The following LRMDA variants were observed in gnomAD, a reference collection of about 807,000 sequenced individuals.
LRMDA encodes the protein leucine-rich melanocyte differentiation-associated protein.
Under a neutral mutation model 29.8 loss-of-function variants are expected in LRMDA, and 18 were observed. The ratio of observed to expected loss-of-function variants is 0.60; its 90% CI spans 0.42 to 0.90. LRMDA has a LOEUF of 0.90. Among genes scored for constraint, LRMDA ranks in the 40% least tolerant of loss-of-function variants. The pLI is 0.00. For synonymous variants in LRMDA, 125 were observed against 109.4 expected (o/e 1.14, Z -0.89); for missense variants, 273 against 273.9 (o/e 1.00, Z 0.02).
rs183211948 is a variant in LRMDA at position 76,476,157 on chromosome 10, A to G, written c.602-81052A>G. Among the ~76,000 whole-genome samples, 3 of 152,314 alleles carry G rather than the reference A, an allele frequency of 2.0e-5. No individual in the cohort carries two copies. The East Asian group carries it at 5.8e-4, about 29-fold the overall frequency. ...ACAAAACTGATAGACCGCTAGCAAG[A>G]CTAATAAAGAATAAAAGAGAGAAGA... On this transcript the variant is annotated intron_variant, in intron 6 of 6. Transcript: ENST00000611255.
At chr10:76,151,411 C>T (rs949161063) in intron 5 of LRMDA, among the ~76,000 whole-genome samples, 1 of 152,026 alleles carries the variant, frequency 6.6e-6, no homozygotes, top group Admixed American at 6.5e-5. Flanking sequence ...TTTTTTTTCC[C>T]CTCCAAGGCA....
At chr10:76,517,365 TA>T (rs1156286642) in intron 6 of LRMDA, among the ~76,000 whole-genome samples, 1 of 152,026 alleles carries the variant, frequency 6.6e-6, no homozygotes. Flanking sequence ...AAGTTACCTA[TA>T]AAGAAATGAC....
intron 6 of LRMDA, among the ~76,000 whole-genome samples, chr10:76,524,588 AAACAGCGT>A: frequency 6.6e-6 from 1 of 152,208 alleles, no homozygotes; most frequent in Non-Finnish European, 1.5e-5. Flanking sequence ...AGTGGAGGAG[AAACAGCGT>A]GATGGCTCTC....
intron 2 of LRMDA, among the ~76,000 whole-genome samples, chr10:75,624,233 A>AC (rs1209608389): frequency 6.6e-6 from 1 of 152,170 alleles, no homozygotes; most frequent in Non-Finnish European, 1.5e-5. Flanking sequence ...TAGGAGAAAG[A>AC]CTAAGGGAGG....
intron 5 of LRMDA, among the ~76,000 whole-genome samples, chr10:76,231,499 T>G (rs1405820329): frequency 6.6e-6 from 1 of 152,248 alleles, no homozygotes; most frequent in East Asian, 1.9e-4. Flanking sequence ...ATTCTCCTGC[T>G]GGTTTCCTTT....
intron 2 of LRMDA, among the ~76,000 whole-genome samples, chr10:75,889,432 T>G (rs973798687): frequency 6.6e-6 from 1 of 152,188 alleles, no homozygotes; most frequent in African/African-American, 2.4e-5. Context: ...GAGTAGAGAT[T>G]ATTAGAGTCT....
intron 2 of LRMDA, among the ~76,000 whole-genome samples, chr10:75,597,535 C>G (rs566431360): frequency 6.6e-6 from 1 of 152,310 alleles, no homozygotes; most frequent in Non-Finnish European, 1.5e-5. Flanking sequence ...TCATTTACTC[C>G]TTGTGAGCAC....
chr10:75,975,889 C>T (rs1013604938), intron 2 of LRMDA, among the ~76,000 whole-genome samples: 3 of 152,178 alleles, frequency 2.0e-5, no homozygotes, highest in African/African-American at 7.2e-5. Context: ...TAAAATGTTT[C>T]CTGAATCTCT....
At chr10:75,769,996 T>C (rs1285085051) in intron 2 of LRMDA, among the ~76,000 whole-genome samples, 1 of 149,758 alleles carries the variant, frequency 6.7e-6, no homozygotes, top group Non-Finnish European at 1.5e-5. Flanking sequence ...AAAAAATTAT[T>C]TTAGGTTGGG....
chr10:76,528,457 C>T (rs1250008751), intron 6 of LRMDA, among the ~76,000 whole-genome samples: 3 of 152,024 alleles, frequency 2.0e-5, no homozygotes, highest in Non-Finnish European at 2.9e-5. Flanking sequence ...GGCAAAACAT[C>T]CAAATACTAA....
In LRMDA at chr10:76,537,259, A is replaced by G. The variant is rs568276610; in HGVS notation, c.602-19950A>G. On this transcript the variant is annotated intron_variant, in intron 6 of 6. Transcript: ENST00000611255. ...CTTCCAGTAGCCCTTGTTATTTTGGAAACCAGTATGTGGATGCTAGATGCC... is the reference window on the plus strand; with the variant it reads ...CTTCCAGTAGCCCTTGTTATTTTGGGAACCAGTATGTGGATGCTAGATGCC... 3.3e-5 allele frequency among the ~76,000 whole-genome samples: 5 copies of G among 152,326 alleles called. No homozygotes were observed. In the South Asian group the frequency reaches 1.0e-3, roughly 32 times the overall value.
chr10:75,471,219 G>C (rs750212599), intron 2 of LRMDA, among the ~76,000 whole-genome samples: 2 of 151,990 alleles, frequency 1.3e-5, no homozygotes, highest in African/African-American at 4.8e-5. Context: ...CTGGCGGGGG[G>C]GTGGGGTGTG....
chr10:76,512,106 C>T (rs182016503), intron 6 of LRMDA, among the ~76,000 whole-genome samples: 134 of 152,240 alleles, frequency 8.8e-4, no homozygotes, highest in South Asian at 8.3e-3. Flanking sequence ...ATAAGTCTCA[C>T]GAGATCTGAT....
intron 5 of LRMDA, among the ~76,000 whole-genome samples, chr10:76,320,103 G>T (rs576843497): frequency 6.6e-6 from 1 of 152,184 alleles, no homozygotes; most frequent in Non-Finnish European, 1.5e-5. Context: ...GGTAATCACC[G>T]AGTGAAATTC....
At chr10:75,797,616 A>G (rs550478924) in intron 2 of LRMDA, among the ~76,000 whole-genome samples, 2 of 152,292 alleles carry the variant, frequency 1.3e-5, no homozygotes, top group East Asian at 3.9e-4. Context: ...CTTTTTCTAG[A>G]CATTCCATAC....
Position 76,557,330 on chromosome 10 carries a change from A to T in LRMDA, c.*42A>T, listed in dbSNP as rs1047352. Reference sequence around the variant, plus strand: ...CCTTCACCCATTTCATGAAAATAAAATCAAAAGGGAAATCAAAAATAAAGA... The same window carrying T: ...CCTTCACCCATTTCATGAAAATAAATTCAAAAGGGAAATCAAAAATAAAGA... On this transcript the variant is annotated 3_prime_UTR_variant, in exon 7 of 7. Transcript: ENST00000611255. 0.011 allele frequency: 16,002 copies of T among 1,470,322 alleles called. 126 individuals carry two copies. Among genetic ancestry groups the T allele is most frequent in the Non-Finnish European group, 0.014 (14,846 of 1,055,042 alleles). 91.1% of individuals were successfully genotyped at this position (1,470,322 alleles called of 1,614,324 possible).
Position 76,148,000 on chromosome 10 carries a change from G to C in LRMDA, c.516+89217G>C, listed in dbSNP as rs552881139. ...CACCAGTGGTGGCTGCAGAACAGCG[G>C]ATATTGGTGAACTGCAAATGCTGCT... On this transcript the variant is annotated intron_variant, in intron 5 of 6. Coordinates refer to ENST00000611255, the MANE Select transcript of LRMDA (RefSeq NM_001305581.2). Among the ~76,000 whole-genome samples the C allele has an allele frequency of 5.3e-5, 8 of 152,332 alleles. No individual in the cohort carries two copies. The South Asian group carries it at 1.5e-3, about 28-fold the overall frequency.
At chr10:76,407,956 A>C (rs926190681) in intron 6 of LRMDA, among the ~76,000 whole-genome samples, 1 of 152,234 alleles carries the variant, frequency 6.6e-6, no homozygotes, top group Admixed American at 6.5e-5. Context: ...AACTCTCAAT[A>C]CAATTATGTC....
In LRMDA at chr10:75,459,932, A is replaced by T. The variant is rs965892796; in HGVS notation, c.131+21438A>T. On this transcript the variant is annotated intron_variant, in intron 2 of 6. Transcript: ENST00000611255. ...CTCTTATTAATAAATGCCTCGTATT[A>T]GGCTCCACCTCCTAACACTGTTGCA... Among the ~76,000 whole-genome samples the T allele has an allele frequency of 1.9e-4, 29 of 152,192 alleles. 1 individual carries two copies. The highest frequency in any genetic ancestry group is 6.8e-4 in the African/African-American group (28 of 41,448).
Sources: allele counts gnomAD v4.1 joint callset (sites outside exome capture counted in the v4.1 genomes callset), GRCh38; gene constraint gnomAD v4.1.1; transcripts MANE v1.5; gene names NCBI Gene and HGNC (gene_info 2026-07-23, HGNC 2026-07-21).